Variants in PTPRN2 observed in about 807,000 individuals in gnomAD.
PTPRN2 encodes the protein receptor-type tyrosine-protein phosphatase N2.
In PTPRN2, 74 loss-of-function variants were observed where a neutral mutation model predicts 118.8. The ratio of observed to expected loss-of-function variants is 0.62; its 90% CI spans 0.52 to 0.76. The LOEUF (loss-of-function observed/expected upper bound fraction) is 0.76, where lower values mean the gene tolerates loss of function less well. Among genes scored for constraint, PTPRN2 ranks in the 30% least tolerant of loss-of-function variants. The pLI is 0.00. For missense variants in PTPRN2, 1,481 were observed against 1,394.4 expected (o/e 1.06, Z -0.99); for synonymous variants, 641 against 608.0 (o/e 1.05, Z -0.80).
At chr7:158,492,371 A>G (rs760674572) in intron 1 of PTPRN2, among the ~76,000 whole-genome samples, 3 of 152,234 alleles carry the variant, frequency 2.0e-5, no homozygotes, top group African/African-American at 4.8e-5. Context: ...GAAATGGCAG[A>G]TGACGGAGCT....
At chr7:157,580,472 GCAGCACCTGCACACCA>G (rs1259617130) in intron 17 of PTPRN2, among the ~76,000 whole-genome samples, 16 of 66,078 alleles carry the variant, frequency 2.4e-4, no homozygotes, top group Admixed American at 1.1e-3. Context: ...CCTGCACACC[GCAGCACCTGCACACCA>G]CAGCACCTGC....
intron 4 of PTPRN2, among the ~76,000 whole-genome samples, chr7:158,193,999 T>G (rs1585807710): frequency 6.7e-6 from 1 of 148,328 alleles, no homozygotes; most frequent in African/African-American, 2.5e-5. Flanking sequence ...GGCAGGAGGG[T>G]CACTAGAGCC....
chr7:157,818,415 C>G (rs894455036), intron 12 of PTPRN2, among the ~76,000 whole-genome samples: 9 of 152,056 alleles, frequency 5.9e-5, no homozygotes, highest in African/African-American at 1.9e-4. Context: ...CATTGGGGAG[C>G]TGGATCAATA....
chr7:158,209,336 CTAAA>C (rs1409481622), intron 3 of PTPRN2, among the ~76,000 whole-genome samples: 1 of 151,504 alleles, frequency 6.6e-6, no homozygotes, highest in Non-Finnish European at 1.5e-5. Context: ...CAAATATAGA[CTAAA>C]AAGAAAGGGA....
chr7:158,153,582 T>C (rs1199278399), intron 6 of PTPRN2, among the ~76,000 whole-genome samples: 1 of 152,144 alleles, frequency 6.6e-6, no homozygotes, highest in African/African-American at 2.4e-5. Flanking sequence ...TCGCACGCCC[T>C]GTGAGGGGAA....
chr7:158,162,455 T>C (rs969266884), intron 6 of PTPRN2, among the ~76,000 whole-genome samples: 102 of 152,220 alleles, frequency 6.7e-4, no homozygotes, highest in Middle Eastern at 3.4e-3. Context: ...CATCGAGCCA[T>C]GAAAAGATGG....
At chr7:157,685,901 G>C (rs1433601249) in intron 12 of PTPRN2, among the ~76,000 whole-genome samples, 2 of 152,112 alleles carry the variant, frequency 1.3e-5, no homozygotes, top group Non-Finnish European at 2.9e-5. Flanking sequence ...GGCCCGCGCT[G>C]TCCCAGCAGA....
rs1371472804 is a variant in PTPRN2 at position 157,729,583 on chromosome 7, A to AG, written c.1789-46647_1789-46646insC. On this transcript the variant is annotated intron_variant, in intron 12 of 22. Transcript: ENST00000389418. The surrounding 1 kb of genome is among the most constrained non-coding windows in gnomAD (Gnocchi z 4.3). ...CCATCAAACAACATCAGAGCTTGCA[A>AG]AAGGAGCTCTGCAGTGCCTGAGACC... is the stretch of plus-strand genomic sequence containing the variant. Among the ~76,000 whole-genome samples the AG allele has an allele frequency of 7.2e-5, 11 of 152,190 alleles. No homozygotes were observed. Among genetic ancestry groups the AG allele is most frequent in the African/African-American group, 2.7e-4 (11 of 41,452 alleles).
chr7:158,585,430 G>A (rs908755713), intron 1 of PTPRN2, among the ~76,000 whole-genome samples: 2 of 152,220 alleles, frequency 1.3e-5, no homozygotes, highest in Non-Finnish European at 2.9e-5. Flanking sequence ...TTTCAACGAT[G>A]TCTGCATCCT....
chr7:157,656,810 AACACACATACAC>A (rs1172346001), intron 13 of PTPRN2, among the ~76,000 whole-genome samples: 1 of 149,468 alleles, frequency 6.7e-6, no homozygotes, highest in African/African-American at 2.5e-5. Flanking sequence ...TGAGAATACA[AACACACATACAC>A]ACACACATAT....
intron 3 of PTPRN2, among the ~76,000 whole-genome samples, chr7:158,260,202 C>G (rs185706087): frequency 5.3e-5 from 8 of 152,316 alleles, no homozygotes; most frequent in African/African-American, 1.9e-4. Flanking sequence ...ACCAGGCTGC[C>G]TAAAACACGA....
intron 11 of PTPRN2, among the ~76,000 whole-genome samples, chr7:158,057,716 C>T (rs1474046811): frequency 6.6e-6 from 1 of 152,128 alleles, no homozygotes; most frequent in East Asian, 1.9e-4. Flanking sequence ...AAGAACCCAG[C>T]CTCAGCATCC....
At chr7:158,318,887 G>A (rs1047624281) in intron 2 of PTPRN2, among the ~76,000 whole-genome samples, 2 of 152,250 alleles carry the variant, frequency 1.3e-5, no homozygotes, top group African/African-American at 2.4e-5. Context: ...TCTGTGAGTA[G>A]CCAACGCTTC....
intron 2 of PTPRN2, among the ~76,000 whole-genome samples, chr7:158,343,256 T>C (rs1252515630): frequency 2.0e-5 from 3 of 152,128 alleles, no homozygotes; most frequent in Admixed American, 1.3e-4. Context: ...GAGTAGACTT[T>C]TCTCCAGAGA....
intron 12 of PTPRN2, among the ~76,000 whole-genome samples, chr7:157,739,949 G>A (rs1325417671): frequency 6.6e-6 from 1 of 152,262 alleles, no homozygotes; most frequent in Non-Finnish European, 1.5e-5. Flanking sequence ...AGAAGCCAGA[G>A]CCAGCCAGGG....
In PTPRN2 at chr7:158,587,685, G is replaced by C. The variant is rs1167648127; in HGVS notation, c.-16C>G. The C allele has an allele frequency of 1.5e-6, 2 of 1,310,478 alleles. No individual in the cohort carries two copies. The highest frequency in any genetic ancestry group is 1.9e-6 in the Non-Finnish European group (2 of 1,032,384). 81.2% of individuals were successfully genotyped at this position (1,310,478 alleles called of 1,614,324 possible). A position where few individuals can be genotyped will look rare whatever the true frequency, so the allele number is the denominator to read the frequency against. Reference sequence around the variant, plus strand: ...GCGGCCCCATCCCCGCGGCCTGGCCGGCGGCGCTCAGTCCATGGCCGCGCG... The same window carrying C: ...GCGGCCCCATCCCCGCGGCCTGGCCCGCGGCGCTCAGTCCATGGCCGCGCG... On this transcript the variant is annotated 5_prime_UTR_variant, in exon 1 of 23. Transcript: ENST00000389418.
intron 3 of PTPRN2, among the ~76,000 whole-genome samples, chr7:158,288,089 G>A (rs1799876455): frequency 6.6e-6 from 1 of 151,958 alleles, no homozygotes; most frequent in Non-Finnish European, 1.5e-5. Flanking sequence ...ATGACATGAA[G>A]TCTATTTTAT....
rs189082313 is a variant in PTPRN2, at chr7:157,793,104, C to T, written c.1788+105569G>A. Among the ~76,000 whole-genome samples the T allele has an allele frequency of 7.4e-3, 1,130 of 151,832 alleles. 4 individuals carry two copies. Among genetic ancestry groups the T allele is most frequent in the Non-Finnish European group, 0.013 (885 of 67,946 alleles). On this transcript the variant is annotated intron_variant, in intron 12 of 22. Transcript: ENST00000389418. The stretch of plus-strand genomic sequence containing the variant: ...GCTGTGCCCGGGGAGAGGAAGGGGG[C>T]GCAGCTGCATCTGCAGCTGCGGTTG...
intron 6 of PTPRN2, among the ~76,000 whole-genome samples, chr7:158,144,469 C>T (rs1000137361): frequency 1.3e-5 from 2 of 152,194 alleles, no homozygotes; most frequent in African/African-American, 2.4e-5. Flanking sequence ...GAAACTCCAT[C>T]TCTACTAAAA....
Sources: gnomAD v4.1 joint callset for allele counts (sites outside exome capture counted in the v4.1 genomes callset) on GRCh38, gnomAD v4.1.1 for gene constraint, Gnocchi (gnomAD v3.1) non-coding constraint, MANE v1.5 for transcripts, NCBI Gene and HGNC (gene_info 2026-07-23, HGNC 2026-07-21) for gene names.